PCLO: variants seen among roughly 807,000 people sequenced by gnomAD.
The protein encoded by PCLO is piccolo presynaptic cytomatrix protein.
A neutral mutation model predicts 427.5 loss-of-function variants in PCLO; 82 were observed. The observed-to-expected ratio is 0.19, with a 90% CI of 0.16 to 0.23. PCLO has a LOEUF of 0.23. PCLO is among the 10% of genes least tolerant of loss of function. The pLI, the probability that PCLO is intolerant of heterozygous loss-of-function variation, is 1.00. For missense variants in PCLO, 6,239 were observed against 6,115.9 expected, an observed-to-expected ratio of 1.02 and a Z score of -0.67; for synonymous variants, 2,357 against 2,155.4, an observed-to-expected ratio of 1.09 and a Z score of -2.59.
At position 82,954,960 on chromosome 7, in the gene PCLO, T is replaced by C; in HGVS notation, c.5993A>G (p.Gln1998Arg). ...TTTCTGCATAGGATCTTCATAAATC[T>C]GTTCTGAAAGTCTTATCTTTTGCTC... ...GREQKIRLSE[Q>R]IYEDPMQKIT... The change falls in exon 5 of 25, where the codon CAG becomes CGG. Residue 1998 changes from glutamine (Q) to arginine (R), a missense_variant. Transcript: ENST00000333891. The C allele has an allele frequency of 6.2e-7, 1 of 1,613,844 alleles. No homozygotes were observed. Among genetic ancestry groups the C allele is most frequent in the East Asian group, 2.2e-5 (1 of 44,878 alleles).
intron 14 of PCLO, 141 bp downstream of exon 14, chr7:82,841,318 T>C (rs1487275096): frequency 1.5e-6 from 1 of 650,194 alleles, no homozygotes; most frequent in African/African-American, 1.9e-5. Context: ...TACTATTCTA[T>C]AAAATTGCAT....
At chr7:83,136,514 C>A (rs12707562) in intron 2 of PCLO, among the ~76,000 whole-genome samples, 49,104 of 151,948 alleles carry the variant, frequency 0.32, 8,792 homozygotes, top group East Asian at 0.61. Flanking sequence ...TTACTCCCCC[C>A]TCCCAGGTGA....
chr7:83,038,401 C>A (rs1309468379), intron 3 of PCLO, among the ~76,000 whole-genome samples: 1 of 151,596 alleles, frequency 6.6e-6, no homozygotes, highest in East Asian at 1.9e-4. Context: ...CCTCCTTCAT[C>A]CCTAAGCAAC....
At chr7:82,849,981 G>A (rs752140845) in intron 10 of PCLO, among the ~76,000 whole-genome samples, 1 of 150,438 alleles carries the variant, frequency 6.6e-6, no homozygotes, top group Non-Finnish European at 1.5e-5. Context: ...TTCCTTGAAA[G>A]TACCTATTTA....
chr7:82,990,987 G>C (rs1254721862), intron 3 of PCLO, among the ~76,000 whole-genome samples: 1 of 152,026 alleles, frequency 6.6e-6, no homozygotes, highest in Non-Finnish European at 1.5e-5. Flanking sequence ...TAATAGACCA[G>C]AAGTAATATT....
At chr7:82,936,231 A>G (rs550656571) in intron 6 of PCLO, among the ~76,000 whole-genome samples, 3 of 151,868 alleles carry the variant, frequency 2.0e-5, no homozygotes, top group African/African-American at 7.2e-5. Context: ...TTCTTTGACC[A>G]CAATAGAATG....
intron 3 of PCLO, among the ~76,000 whole-genome samples, chr7:82,993,569 T>C (rs941200325): frequency 1.3e-5 from 2 of 150,968 alleles, no homozygotes; most frequent in Admixed American, 6.6e-5. Context: ...CAAATGAGAC[T>C]TTTTTTTTAG....
intron 22 of PCLO, among the ~76,000 whole-genome samples, chr7:82,778,118 C>G (rs560140328): frequency 6.6e-6 from 1 of 152,082 alleles, no homozygotes; most frequent in South Asian, 2.1e-4. Context: ...CATGAACAGA[C>G]ACATTTCAAA....
intron 9 of PCLO, among the ~76,000 whole-genome samples, chr7:82,891,908 G>A (rs1793776649): frequency 6.6e-6 from 1 of 152,020 alleles, no homozygotes; most frequent in Non-Finnish European, 1.5e-5. Flanking sequence ...ACTGCTCAAT[G>A]AAATAAAAGA....
chr7:82,949,163 C>T (rs1441441155), intron 6 of PCLO, among the ~76,000 whole-genome samples: 1 of 152,080 alleles, frequency 6.6e-6, no homozygotes, highest in Non-Finnish European at 1.5e-5. Context: ...AAGAATAAGA[C>T]TTTCAATTTC....
chr7:83,021,086 T>C (rs1447988532), intron 3 of PCLO, among the ~76,000 whole-genome samples: 1 of 152,060 alleles, frequency 6.6e-6, no homozygotes, highest in Non-Finnish European at 1.5e-5. Context: ...CACCAAAGAG[T>C]GCAGTTTCCA....
chr7:83,023,301 A>G (rs1435050928), intron 3 of PCLO, among the ~76,000 whole-genome samples: 1 of 152,226 alleles, frequency 6.6e-6, no homozygotes, highest in Non-Finnish European at 1.5e-5. Flanking sequence ...AAAGTCAAAC[A>G]TTACAGAACT....
intron 2 of PCLO, among the ~76,000 whole-genome samples, chr7:83,151,848 C>A (rs1562993215): frequency 6.6e-6 from 1 of 152,060 alleles, no homozygotes; most frequent in Non-Finnish European, 1.5e-5. Context: ...ACTATAGTAA[C>A]TACTTGAATG....
intron 20 of PCLO, among the ~76,000 whole-genome samples, chr7:82,806,866 C>T (rs2129468853): frequency 6.6e-6 from 1 of 152,320 alleles, no homozygotes; most frequent in South Asian, 2.1e-4. Context: ...TTTGCCACAT[C>T]ACCACTCTTC....
chr7:82,824,322 G>T lies in PCLO; in HGVS notation c.14510C>A (p.Ser4837Tyr), dbSNP rs1176061592. 2.5e-6 allele frequency: 4 copies of T among 1,613,268 alleles called. No homozygotes were observed. The African/African-American group carries it at 5.3e-5, about 22-fold the overall frequency. ...CTGCTGGCTGCTCTGACTGGAATGA[G>T]ACTTGCCATGATCAATGCTTTCAGT... ...EQTESIDHGKSHSSQSSQQSP... is the reference protein window; with the variant it reads ...EQTESIDHGKYHSSQSSQQSP... Residue 4837 changes from serine to tyrosine, a missense_variant, in exon 19 of 25, where the codon TCT becomes TAT. This residue lies in a region of PCLO where 877 missense variants were observed against 925.5 expected (regional missense o/e 0.95). Coordinates refer to ENST00000333891, the MANE Select transcript of PCLO (RefSeq NM_033026.6).
rs1584068950 is a variant in PCLO, at chr7:83,134,244, A to ATATAT, written c.3300+5_3300+6insATATA. On this transcript the variant is annotated splice_donor_region_variant and intron_variant, in intron 3 of 24. Transcript: ENST00000333891. ...ATATATATATATATATATATATATA[A>ATATAT]CTTACCTCAGTCAAATGTGGTGTAG... 3.4e-5 allele frequency: 25 copies of ATATAT among 731,026 alleles called. No homozygotes were observed. The highest frequency in any genetic ancestry group is 3.0e-4 in the Middle Eastern group (1 of 3,378). 45.3% of individuals were successfully genotyped at this position (731,026 alleles called of 1,614,324 possible).
chr7:82,932,609 A>C (rs1165152745), intron 6 of PCLO, among the ~76,000 whole-genome samples: 1 of 152,120 alleles, frequency 6.6e-6, no homozygotes, highest in Non-Finnish European at 1.5e-5. Context: ...TAATTATGGT[A>C]GATGAACTTT....
chr7:82,969,120 T>C (rs1202834993), intron 3 of PCLO, among the ~76,000 whole-genome samples: 2 of 152,186 alleles, frequency 1.3e-5, no homozygotes, highest in East Asian at 1.9e-4. Flanking sequence ...CAATGGTACA[T>C]GGCTCTTGGC....
chr7:82,911,192 C>A (rs1276866933), intron 7 of PCLO, among the ~76,000 whole-genome samples: 3 of 151,908 alleles, frequency 2.0e-5, no homozygotes, highest in Non-Finnish European at 1.5e-5. Flanking sequence ...TTTATAATAA[C>A]CCTATGTGTA....
Sources: gnomAD v4.1 joint callset for allele counts (sites outside exome capture counted in the v4.1 genomes callset) on GRCh38, gnomAD v4.1.1 for gene constraint, gnomAD v4.1.1 regional missense constraint, MANE v1.5 for transcripts, NCBI Gene and HGNC (gene_info 2026-07-23, HGNC 2026-07-21) for gene names.